Variants in IFT43 observed in about 807,000 individuals in gnomAD.
IFT43 encodes intraflagellar transport protein 43 homolog.
IFT43 carries 33 observed loss-of-function variants against 32.3 expected under a neutral mutation model. The observed-to-expected ratio is 1.02, with a 90% CI of 0.77 to 1.37. The LOEUF (loss-of-function observed/expected upper bound fraction) is 1.37, where lower values mean the gene tolerates loss of function less well. Among genes scored for constraint, IFT43 ranks in the 40% most tolerant of loss-of-function variants. The pLI is 0.00. For missense variants in IFT43, 274 were observed against 265.9 expected, an observed-to-expected ratio of 1.03 and a Z score of -0.21; for synonymous variants, 93 against 98.2, an observed-to-expected ratio of 0.95 and a Z score of 0.31.
chr14:76,063,559 G>C (rs186494636), intron 5 of IFT43, among the ~76,000 whole-genome samples: 1 of 152,296 alleles, frequency 6.6e-6, no homozygotes, highest in Admixed American at 6.5e-5. Context: ...TACTTTATCT[G>C]TTTTCCTGCT....
At chr14:76,042,289 C>G (rs548702859) in intron 3 of IFT43, among the ~76,000 whole-genome samples, 33 of 151,892 alleles carry the variant, frequency 2.2e-4, no homozygotes, top group Non-Finnish European at 4.0e-4. Context: ...GTAACTTGCT[C>G]AGAGTCATAC....
intron 2 of IFT43, among the ~76,000 whole-genome samples, chr14:76,008,758 C>G (rs944741724): frequency 6.6e-6 from 1 of 152,174 alleles, no homozygotes; most frequent in African/African-American, 2.4e-5. Flanking sequence ...GCAGTAAAGA[C>G]ACAGCTATTT....
chr14:76,033,163 C>T (rs1459558445), intron 3 of IFT43, among the ~76,000 whole-genome samples: 1 of 152,086 alleles, frequency 6.6e-6, no homozygotes, highest in Admixed American at 6.6e-5. Context: ...GAGCCCCAGC[C>T]AGATTGCAGT....
At chr14:76,063,484 T>C in intron 5 of IFT43, among the ~76,000 whole-genome samples, 1 of 152,230 alleles carries the variant, frequency 6.6e-6, no homozygotes. Context: ...GAGACCTTCG[T>C]GCTATGTGTG....
chr14:75,986,894 A>G (rs904388507), intron 1 of IFT43, among the ~76,000 whole-genome samples: 1 of 152,198 alleles, frequency 6.6e-6, no homozygotes, highest in Non-Finnish European at 1.5e-5. Flanking sequence ...TCATTCATTC[A>G]ACAAATATTT....
downstream of IFT43, chr14:76,083,867 A>AT (rs2037561830): frequency 7.2e-6 from 4 of 555,156 alleles, no homozygotes; most frequent in Admixed American, 2.2e-5. Context: ...GGAGAGTTCG[A>AT]TTCAGGCGGA....
At chr14:75,996,623 TATTTGTCTCTTG>T (rs1242331671) in intron 2 of IFT43, among the ~76,000 whole-genome samples, 2 of 152,252 alleles carry the variant, frequency 1.3e-5, no homozygotes, top group Non-Finnish European at 2.9e-5. Flanking sequence ...AGACCCATTT[TATTTGTCTCTTG>T]TAGTAGCATT....
intron 5 of IFT43, among the ~76,000 whole-genome samples, chr14:76,062,938 A>AAAAAAAAAAAAAAAAAAAAAAAAAAG (rs1485146040): frequency 1.3e-4 from 16 of 120,832 alleles, no homozygotes; most frequent in African/African-American, 2.3e-4. Context: ...AAAAAAAAAA[A>AAAAAAAAAAAAAAAAAAAAAAAAAAG]AAAGAAAATA....
chr14:76,071,912 C>T (rs769741490), intron 5 of IFT43, among the ~76,000 whole-genome samples: 3 of 151,850 alleles, frequency 2.0e-5, no homozygotes, highest in African/African-American at 4.8e-5. Flanking sequence ...TGTCTCCTAA[C>T]CCCCCCTGCT....
intron 3 of IFT43, among the ~76,000 whole-genome samples, chr14:76,047,218 A>G (rs979467468): frequency 6.6e-6 from 1 of 152,194 alleles, no homozygotes; most frequent in African/African-American, 2.4e-5. Context: ...CATACTCAGA[A>G]CCACTGGCTT....
At position 75,999,231 on chromosome 14, in the gene IFT43, A is replaced by G. The variant is rs1365828120; in HGVS notation, c.147+10254A>G. ...TCATTTATATATAAATTCATTTTAT[A>G]TATATATATATATATATATATATAT... On this transcript the variant is annotated intron_variant, in intron 2 of 8. Transcript: ENST00000314067. Among the ~76,000 whole-genome samples the G allele has an allele frequency of 3.0e-4, 2 of 6,662 alleles. 1 individual carries two copies. The highest frequency in any genetic ancestry group is 5.1e-4 in the Non-Finnish European group (2 of 3,946). 4.4% of individuals were successfully genotyped at this position (6,662 alleles called of 152,430 possible).
chr14:75,986,032 T>C, intron 1 of IFT43, 192 bp downstream of exon 1: 2 of 1,524,466 alleles, frequency 1.3e-6, no homozygotes, highest in African/African-American at 2.8e-5. Context: ...GCCTGGGGTT[T>C]GCTTTCTTTA....
chr14:76,014,577 C>T (rs1470900310), intron 2 of IFT43, among the ~76,000 whole-genome samples: 1 of 152,184 alleles, frequency 6.6e-6, no homozygotes, highest in African/African-American at 2.4e-5. Flanking sequence ...TCACTACACC[C>T]TTGGATCTGG....
At chr14:75,999,650 G>A (rs1451322194) in intron 2 of IFT43, among the ~76,000 whole-genome samples, 1 of 152,160 alleles carries the variant, frequency 6.6e-6, no homozygotes, top group East Asian at 1.9e-4. Flanking sequence ...AGTTAGGGAA[G>A]GCTTTCTAAA....
chr14:76,046,486 C>G (rs1043993385), intron 3 of IFT43, among the ~76,000 whole-genome samples: 1 of 152,062 alleles, frequency 6.6e-6, no homozygotes, highest in African/African-American at 2.4e-5. Flanking sequence ...CTCCCCTGGG[C>G]ACACCCAGCC....
At chr14:76,079,065 T>A (rs142068103) in intron 5 of IFT43, among the ~76,000 whole-genome samples, 29 of 152,368 alleles carry the variant, frequency 1.9e-4, no homozygotes, top group African/African-American at 6.3e-4. Flanking sequence ...ACGTGAAAGC[T>A]GTCTCGACCA....
chr14:76,041,653 A>G (rs534664296), intron 3 of IFT43, among the ~76,000 whole-genome samples: 1 of 152,326 alleles, frequency 6.6e-6, no homozygotes, highest in East Asian at 1.9e-4. Context: ...TAAAACTACT[A>G]TTTACTCTGA....
intron 3 of IFT43, among the ~76,000 whole-genome samples, chr14:76,027,515 C>T (rs866286177): frequency 1.3e-5 from 2 of 152,104 alleles, no homozygotes; most frequent in Non-Finnish European, 2.9e-5. Flanking sequence ...CGAGACCATC[C>T]TGGCTAACAC....
chr14:76,003,631 C>CA (rs549597225), intron 2 of IFT43, among the ~76,000 whole-genome samples: 56 of 141,874 alleles, frequency 3.9e-4, no homozygotes, highest in Non-Finnish European at 6.3e-4. Flanking sequence ...GACTCCGTTT[C>CA]AAAAAAAAAA....
Sources: allele counts gnomAD v4.1 joint callset (sites outside exome capture counted in the v4.1 genomes callset), GRCh38; gene constraint gnomAD v4.1.1; transcripts MANE v1.5; gene names NCBI Gene and HGNC (gene_info 2026-07-23, HGNC 2026-07-21).